Variants in SPON1 observed in about 807,000 individuals in gnomAD.
The protein encoded by SPON1 is spondin-1.
Under a neutral mutation model 111.7 loss-of-function variants are expected in SPON1, and 52 were observed. The ratio of observed to expected loss-of-function variants is 0.47; its 90% confidence interval spans 0.37 to 0.59. The LOEUF (loss-of-function observed/expected upper bound fraction) is 0.59, where lower values mean the gene tolerates loss of function less well. Among genes scored for constraint, SPON1 ranks in the 20% least tolerant of loss-of-function variants. The pLI is 0.00. For missense variants in SPON1, 957 were observed against 1,068.5 expected (o/e 0.90, Z 1.46); for synonymous variants, 410 against 395.8 (o/e 1.04, Z -0.43).
chr11:14,107,906 A>G (rs2133847171), intron 5 of SPON1, among the ~76,000 whole-genome samples: 1 of 152,262 alleles, frequency 6.6e-6, no homozygotes, highest in African/African-American at 2.4e-5. Context: ...TCCATCTAGG[A>G]GTGTTGAATC....
At chr11:14,105,794 A>C (rs1010344083) in intron 5 of SPON1, among the ~76,000 whole-genome samples, 1 of 152,170 alleles carries the variant, frequency 6.6e-6, no homozygotes, top group Non-Finnish European at 1.5e-5. Context: ...TCTCACTCAG[A>C]CTTCCTCCTG....
intron 3 of SPON1, among the ~76,000 whole-genome samples, chr11:14,074,174 G>GCATA (rs1342978923): frequency 7.2e-5 from 11 of 152,216 alleles, no homozygotes; most frequent in Non-Finnish European, 1.0e-4. Context: ...TAGACAGGAA[G>GCATA]CATATTTCAT....
chr11:14,113,688 C>T (rs1222901670), intron 5 of SPON1, among the ~76,000 whole-genome samples: 14 of 141,400 alleles, frequency 9.9e-5, no homozygotes, highest in East Asian at 2.1e-4. Flanking sequence ...CTGCAAGCTC[C>T]GCCTCCCGGG....
At chr11:14,129,855 G>T (rs1171747214) in intron 5 of SPON1, among the ~76,000 whole-genome samples, 1 of 152,118 alleles carries the variant, frequency 6.6e-6, no homozygotes, top group Non-Finnish European at 1.5e-5. Context: ...AGAAGCAGGC[G>T]CCTTCTTCAC....
chr11:14,134,769 A>G (rs1847571122), intron 5 of SPON1, among the ~76,000 whole-genome samples: 1 of 152,234 alleles, frequency 6.6e-6, no homozygotes, highest in Non-Finnish European at 1.5e-5. Flanking sequence ...AAATGCAATT[A>G]TATCACTCCT....
intron 6 of SPON1, among the ~76,000 whole-genome samples, chr11:14,203,451 G>A (rs4757240): frequency 6.6e-6 from 1 of 151,886 alleles, no homozygotes; most frequent in African/African-American, 2.4e-5. Flanking sequence ...TCATATTTTA[G>A]CCTCTGAAAG....
chr11:14,161,753 C>T (rs1338980783), intron 6 of SPON1, among the ~76,000 whole-genome samples: 4 of 152,164 alleles, frequency 2.6e-5, no homozygotes, highest in African/African-American at 4.8e-5. Context: ...TATGTGTACT[C>T]GAAGTACAGT....
intron 6 of SPON1, among the ~76,000 whole-genome samples, chr11:14,208,606 C>G (rs1254879326): frequency 6.6e-6 from 1 of 152,166 alleles, no homozygotes; most frequent in Non-Finnish European, 1.5e-5. Flanking sequence ...AATCTTCATT[C>G]TCTTTTCCTT....
chr11:14,219,464 A>G (rs112547940), intron 6 of SPON1, among the ~76,000 whole-genome samples: 115 of 152,350 alleles, frequency 7.5e-4, no homozygotes, highest in East Asian at 3.5e-3. Flanking sequence ...GATGCAGATG[A>G]TATGAGTTAA....
At chr11:13,965,282 T>C (rs1848007503) in intron 1 of SPON1, among the ~76,000 whole-genome samples, 1 of 152,244 alleles carries the variant, frequency 6.6e-6, no homozygotes, top group African/African-American at 2.4e-5. Flanking sequence ...ATCAGGAGCC[T>C]TGCCTAAGAC....
At chr11:14,262,071 G>T (rs1174368463) in intron 14 of SPON1, among the ~76,000 whole-genome samples, 1 of 152,202 alleles carries the variant, frequency 6.6e-6, no homozygotes, top group East Asian at 1.9e-4. Context: ...TTTATGAGAT[G>T]CTGGCTTAGT....
chr11:14,261,927 C>T (rs1233457479), intron 14 of SPON1, among the ~76,000 whole-genome samples: 1 of 152,168 alleles, frequency 6.6e-6, no homozygotes, highest in African/African-American at 2.4e-5. Context: ...AGAACTGAAA[C>T]TGTTGAACTA....
intron 2 of SPON1, among the ~76,000 whole-genome samples, chr11:14,019,369 C>T (rs140546808): frequency 1.5e-4 from 22 of 149,548 alleles, no homozygotes; most frequent in South Asian, 4.2e-4. Flanking sequence ...ATATATTATA[C>T]GTAATTTTAT....
intron 3 of SPON1, among the ~76,000 whole-genome samples, chr11:14,066,539 T>C (rs782067781): frequency 6.6e-6 from 1 of 152,098 alleles, no homozygotes; most frequent in Non-Finnish European, 1.5e-5. Flanking sequence ...GTTGAAGAGT[T>C]TTCCAACAGC....
intron 1 of SPON1, among the ~76,000 whole-genome samples, 178 bp from the exon 2 acceptor site, chr11:13,982,668 AG>A (rs1190639057): frequency 6.6e-6 from 1 of 152,178 alleles, no homozygotes; most frequent in African/African-American, 2.4e-5. Flanking sequence ...GAAATGTAAG[AG>A]GGAGCTGGGT....
rs142347918 is a variant in SPON1 at position 14,056,229 on chromosome 11, A to G, written c.479+14575A>G. Among the ~76,000 whole-genome samples the G allele has an allele frequency of 3.9e-5, 6 of 152,348 alleles. No homozygotes were observed. The East Asian group carries it at 1.2e-3, about 29-fold the overall frequency. ...CTGAGAAGACTAAATGAGTTAGTGC[A>G]TGTAAAATTCTTAGAACACTTCCTG... is the stretch of plus-strand genomic sequence containing the variant. On this transcript the variant is annotated intron_variant, in intron 3 of 15. Transcript: ENST00000576479.
chr11:14,186,711 G>A (rs185347532), intron 6 of SPON1, among the ~76,000 whole-genome samples: 2 of 152,058 alleles, frequency 1.3e-5, no homozygotes, highest in Admixed American at 6.6e-5. Flanking sequence ...TTATATCCTT[G>A]TGCAGGGCCC....
chr11:14,159,636 G>A (rs1847887686), intron 6 of SPON1, among the ~76,000 whole-genome samples: 1 of 152,058 alleles, frequency 6.6e-6, no homozygotes, highest in Non-Finnish European at 1.5e-5. Flanking sequence ...AATGACCAAA[G>A]TGTCCATCAA....
chr11:13,969,057 C>T (rs187704282), intron 1 of SPON1, among the ~76,000 whole-genome samples: 84 of 152,174 alleles, frequency 5.5e-4, no homozygotes, highest in African/African-American at 1.6e-3. Context: ...GTCAACTTGA[C>T]AACATATAAA....
Sources: gnomAD v4.1 joint callset for allele counts (sites outside exome capture counted in the v4.1 genomes callset) on GRCh38, gnomAD v4.1.1 for gene constraint, MANE v1.5 for transcripts, NCBI Gene and HGNC (gene_info 2026-07-23, HGNC 2026-07-21) for gene names.